The following ATM variants were observed in gnomAD, a reference collection of about 807,000 sequenced individuals.
ATM encodes serine-protein kinase ATM.
ATM carries 308 observed loss-of-function variants against 387.0 expected under a neutral mutation model. That is an observed-to-expected ratio of 0.80 (90% confidence interval 0.73 to 0.87). ATM has a LOEUF of 0.87. ATM is among the 40% of genes least tolerant of loss of function. ATM has a pLI of 0.00. For synonymous variants in ATM, 1,156 were observed against 1,187.3 expected (o/e 0.97, Z 0.54); for missense variants, 3,312 against 3,560.9 (o/e 0.93, Z 1.78).
At chr11:108,225,632 C>G (rs551718693) in intron 1 of ATM, 1 of 152,270 alleles carries the variant, frequency 6.6e-6, no homozygotes, top group South Asian at 2.1e-4. Flanking sequence ...TGCTACCACA[C>G]CTGGTTAATT....
rs1449057707 is a variant in ATM at position 108,271,262 on chromosome 11, C to A, written c.2933C>A (p.Ser978Tyr). ...TTTTTTTACCACAGCAATGTGTGTT[C>A]TTTGTATCGTCGTGACCAAGATGTT... ...ELLKPLSNVC[S>Y]LYRRDQDVCK... is the part of the protein sequence containing the mutation. Residue 978 changes from serine (S) to tyrosine (Y), a missense_variant, in exon 20 of 63, where the codon TCT becomes TAT. This residue lies in a region of ATM where 1,791 missense variants were observed against 1,804.5 expected (regional missense o/e 0.99). Transcript: ENST00000675843. The A allele has an allele frequency of 6.2e-7, 1 of 1,605,142 alleles. No homozygotes were observed. Among genetic ancestry groups the A allele is most frequent in the Non-Finnish European group, 8.5e-7 (1 of 1,177,964 alleles).
At chr11:108,240,101 A>T (rs140844011) in intron 5 of ATM, among the ~76,000 whole-genome samples, 98 of 152,344 alleles carry the variant, frequency 6.4e-4, no homozygotes, top group African/African-American at 2.3e-3. Flanking sequence ...ATGCTGGGAC[A>T]CATCATTATT....
chr11:108,262,274 CA>C (rs760471228), intron 16 of ATM, among the ~76,000 whole-genome samples: 39 of 152,390 alleles, frequency 2.6e-4, no homozygotes, highest in Non-Finnish European at 5.1e-4. Context: ...ATCAGACTAA[CA>C]GCGGATCTCT....
chr11:108,259,060 T>C lies in ATM; in HGVS notation c.2451T>C (p.Asp817=). Residue 817 remains aspartate, a synonymous_variant, in exon 16 of 63, where the codon GAT becomes GAC. Transcript: ENST00000675843. The part of the protein sequence containing the change: ...LTSKLMNDIA[D]ICKSLASFIK... ...CAAAGCTAATGAATGACATTGCAGA[T>C]ATTTGTAAAAGTTTAGTAAGTATGC... 1 of 1,613,280 alleles carries C rather than the reference T, an allele frequency of 6.2e-7. No homozygotes were observed. Among genetic ancestry groups the C allele is most frequent in the Non-Finnish European group, 8.5e-7 (1 of 1,179,678 alleles).
chr11:108,236,535 A>T (rs1041124667), intron 5 of ATM: 2 of 32,970 alleles, frequency 6.1e-5, no homozygotes, highest in East Asian at 6.4e-4. Flanking sequence ...GTTTCCATTT[A>T]AAAAAAAAAA....
intron 4 of ATM, among the ~76,000 whole-genome samples, chr11:108,232,527 C>CCTTTTTTTTTTTTTTTTTTTTTTTT (rs2079062867): frequency 1.7e-5 from 1 of 58,178 alleles, no homozygotes; most frequent in African/African-American, 6.5e-5. Flanking sequence ...GATTTCTCTC[C>CCTTTTTTTTTTTTTTTTTTTTTTTT]TTTTTTTTTT....
intron 10 of ATM, 46 bp from the exon 11 acceptor site, chr11:108,251,791 C>T (rs1377676792): frequency 6.3e-7 from 1 of 1,590,872 alleles, no homozygotes; most frequent in African/African-American, 1.3e-5. Context: ...AAGTCTTTGC[C>T]CCTCCAATAG....
intron 15 of ATM, among the ~76,000 whole-genome samples, chr11:108,258,195 C>A (rs1209860340): frequency 6.6e-6 from 1 of 152,198 alleles, no homozygotes; most frequent in Non-Finnish European, 1.5e-5. Context: ...CATATCTGTT[C>A]ACATTCATAA....
intron 50 of ATM, chr11:108,331,201 C>G (rs1386154236): frequency 8.3e-7 from 1 of 1,201,688 alleles, no homozygotes; most frequent in Non-Finnish European, 1.0e-6. Context: ...ACCAAGTATT[C>G]TAGTTCTGAA....
At position 108,271,073 on chromosome 11, in the gene ATM, C is replaced by T. The variant is rs763064034; in HGVS notation, c.2848C>T (p.Leu950Phe). Reference sequence around the variant, plus strand: ...CCTCCTACCATCTTAGTATCTAATGCTTTTAAAGGAGCTTCCTGGAGAAGA... The same window carrying T: ...CCTCCTACCATCTTAGTATCTAATGTTTTTAAAGGAGCTTCCTGGAGAAGA... ...KSLHLHMYLMLLKELPGEEYP... is the reference protein window; with the variant it reads ...KSLHLHMYLMFLKELPGEEYP... Residue 950 changes from leucine (L) to phenylalanine (F), a missense_variant, in exon 19 of 63, where the codon CTT becomes TTT. Physicochemically the swap from Leu to Phe is conservative, Grantham distance 22. Transcript: ENST00000675843. 46 of 1,613,582 alleles carry T rather than the reference C, an allele frequency of 2.9e-5. No homozygotes were observed. The Admixed American group carries it at 6.7e-4, about 23-fold the overall frequency.
At chr11:108,267,475 C>G (rs1428986673) in intron 17 of ATM, 133 bp downstream of exon 17, 1 of 652,656 alleles carries the variant, frequency 1.5e-6, no homozygotes, top group Non-Finnish European at 2.5e-6. Context: ...TTGTTCCTTT[C>G]TTATATACTT....
intron 4 of ATM, among the ~76,000 whole-genome samples, chr11:108,233,807 A>G (rs1026235999): frequency 1.3e-5 from 2 of 152,110 alleles, no homozygotes; most frequent in African/African-American, 4.8e-5. Flanking sequence ...TAATGGGGCC[A>G]CTGCACTCCA....
rs1565499989 is a variant in ATM, at chr11:108,316,100, C to A, written c.6185C>A (p.Ala2062Glu). The change falls in exon 42 of 63, where the codon GCA becomes GAA. Residue 2062 changes from alanine to glutamate, a missense_variant. By Grantham distance (107) the Ala-to-Glu change is moderately radical. Transcript: ENST00000675843. ...ETAIPSSTRQ[A>E]GIIQALQNLG... ...GCAATCCCCTCATCAACACGCCAGG[C>A]AGGAATCATTCAGGTACATTTTTTC... is the stretch of plus-strand genomic sequence containing the variant. The A allele has an allele frequency of 6.2e-7, 1 of 1,614,016 alleles. No homozygotes were observed. Among genetic ancestry groups the A allele is most frequent in the African/African-American group, 1.3e-5 (1 of 75,012 alleles).
chr11:108,317,648 T>TACACAC (rs1453200885), intron 43 of ATM, 127 bp downstream of exon 43: 4 of 132,978 alleles, frequency 3.0e-5, no homozygotes, highest in African/African-American at 1.7e-4. Flanking sequence ...TATATATATA[T>TACACAC]ATATACACAC....
In ATM at chr11:108,367,222, C is replaced by G; in HGVS notation, c.*1714C>G. ...CAGGATGGTCTCGATCGCTTGACCT[C>G]GTGATCCACCCTCCTCGGCCTCCCA... On this transcript the variant is annotated 3_prime_UTR_variant, in exon 63 of 63. Coordinates refer to ENST00000675843, the MANE Select transcript of ATM (RefSeq NM_000051.4). The G allele has an allele frequency of 5.6e-6, 1 of 178,630 alleles. No individual in the cohort carries two copies. Among genetic ancestry groups the G allele is most frequent in the Non-Finnish European group, 1.2e-5 (1 of 83,240 alleles). 11.1% of individuals were successfully genotyped at this position (178,630 alleles called of 1,614,324 possible). A position where few individuals can be genotyped will look rare whatever the true frequency, so the allele number is the denominator to read the frequency against.
intron 22 of ATM, among the ~76,000 whole-genome samples, chr11:108,275,184 C>T (rs1565432608): frequency 6.6e-6 from 1 of 152,104 alleles, no homozygotes. Flanking sequence ...AGGATTGCAA[C>T]CCTTGCTTTT....
chr11:108,261,858 C>T (rs1048949293), intron 16 of ATM, among the ~76,000 whole-genome samples: 4 of 151,938 alleles, frequency 2.6e-5, no homozygotes, highest in African/African-American at 7.3e-5. Flanking sequence ...GGAGCCGATG[C>T]GATCAACTGG....
intron 59 of ATM, among the ~76,000 whole-genome samples, chr11:108,350,930 C>T (rs1490867756): frequency 1.3e-5 from 2 of 152,200 alleles, no homozygotes; most frequent in Admixed American, 6.5e-5. Flanking sequence ...ATCAATTCCA[C>T]TCCAACACAA....
chr11:108,354,743 A>G (rs2137337906), intron 60 of ATM, 68 bp from the exon 61 acceptor site: 1 of 1,297,788 alleles, frequency 7.7e-7, no homozygotes, highest in Non-Finnish European at 1.1e-6. Context: ...ATGAGAGTAT[A>G]CAGATAAAGA....
Sources: gnomAD v4.1 joint callset for allele counts (sites outside exome capture counted in the v4.1 genomes callset) on GRCh38, gnomAD v4.1.1 for gene constraint, gnomAD v4.1.1 regional missense constraint, MANE v1.5 for transcripts, NCBI Gene and HGNC (gene_info 2026-07-23, HGNC 2026-07-21) for gene names.